The following SPNS2 variants were observed in gnomAD, a reference collection of about 807,000 sequenced individuals.
SPNS2 encodes sphingosine-1-phosphate transporter SPNS2.
SPNS2 carries 37 observed loss-of-function variants against 57.6 expected under a neutral mutation model. The observed-to-expected ratio is 0.64, with a 90% CI of 0.49 to 0.85. SPNS2 has a LOEUF of 0.85. Ranked by LOEUF, SPNS2 falls within the 40% of genes least tolerant of loss-of-function variation. The pLI, the probability that SPNS2 is intolerant of heterozygous loss-of-function variation, is 0.00. For missense variants in SPNS2, 831 were observed against 779.1 expected (o/e 1.07, Z -0.79); for synonymous variants, 440 against 346.9 (o/e 1.27, Z -2.98).
chr17:4,518,468 A>T (rs1202421676), intron 2 of SPNS2, among the ~76,000 whole-genome samples: 1 of 152,230 alleles, frequency 6.6e-6, no homozygotes, highest in African/African-American at 2.4e-5. Flanking sequence ...GCTTGCAGTG[A>T]GCCGAGATCG....
In SPNS2 at chr17:4,498,906, C is replaced by G. The variant is rs1337019062; in HGVS notation, c.-142C>G. 4.1e-5 allele frequency: 14 copies of G among 340,478 alleles called. No homozygotes were observed. In the East Asian group the frequency reaches 2.2e-3, roughly 52 times the overall value. 21.1% of individuals were successfully genotyped at this position (340,478 alleles called of 1,614,324 possible). ...GCAGCGAGCTGAGCGGTGGCAGCGCCGCAGCCGGGGCCGGAGCGCAGGAGC... is the reference window on the plus strand; with the variant it reads ...GCAGCGAGCTGAGCGGTGGCAGCGCGGCAGCCGGGGCCGGAGCGCAGGAGC... On this transcript the variant is annotated 5_prime_UTR_variant, in exon 1 of 13. Coordinates refer to ENST00000329078, the MANE Select transcript of SPNS2 (RefSeq NM_001124758.3).
At position 4,536,927 on chromosome 17, in the gene SPNS2, A is replaced by G. The variant is rs766932543; in HGVS notation, c.1635A>G (p.Ala545=). 1 of 1,613,574 alleles carries G rather than the reference A, an allele frequency of 6.2e-7. No individual in the cohort carries two copies. The highest frequency in any genetic ancestry group is 1.1e-5 in the South Asian group (1 of 91,064). Residue 545 remains alanine (A), a synonymous_variant, in exon 12 of 13, where the codon GCA becomes GCG. Coordinates refer to ENST00000329078, the MANE Select transcript of SPNS2 (RefSeq NM_001124758.3). ...TGAACCAGCTGGCGATGCCGCCCGC[A>G]TCTGTGAAAGTCTGAGGTGGTGAGT... ...QQVNQLAMPP[A]SVKV
At chr17:4,502,510 C>T (rs528710914) in intron 1 of SPNS2, among the ~76,000 whole-genome samples, 7 of 152,322 alleles carry the variant, frequency 4.6e-5, no homozygotes, top group South Asian at 2.1e-4. Flanking sequence ...GTCAATATCA[C>T]GGTGGCCAGG....
In SPNS2 at chr17:4,532,694, G is replaced by C. The variant is rs371730724; in HGVS notation, c.935+10G>C. The C allele has an allele frequency of 6.2e-7, 1 of 1,612,908 alleles. No homozygotes were observed. The highest frequency in any genetic ancestry group is 1.1e-5 in the South Asian group (1 of 90,988). ...AGGCCCTGATTCGAAAGTGAGTACC[G>C]CGGGAAGGGGTCTGGTGGGAAGAGA... On this transcript the variant is annotated intron_variant, in intron 6 of 12. Coordinates refer to ENST00000329078, the MANE Select transcript of SPNS2 (RefSeq NM_001124758.3).
Position 4,536,443 on chromosome 17 carries a change from G to A in SPNS2, c.1607+17G>A, listed in dbSNP as rs1422157505. ...TGAGCAGCAGTGAGTGGGGGGGAGG[G>A]GAGGCCCTGCTGCACCGCCGGGAAG... On this transcript the variant is annotated intron_variant, in intron 11 of 12. Coordinates refer to ENST00000329078, the MANE Select transcript of SPNS2 (RefSeq NM_001124758.3). 6.3e-7 allele frequency: 1 copy of A among 1,585,378 alleles called. No homozygotes were observed. Among genetic ancestry groups the A allele is most frequent in the Non-Finnish European group, 8.6e-7 (1 of 1,167,600 alleles).
At chr17:4,507,631 T>G (rs1257593029) in intron 1 of SPNS2, among the ~76,000 whole-genome samples, 1 of 152,220 alleles carries the variant, frequency 6.6e-6, no homozygotes, top group African/African-American at 2.4e-5. Context: ...AAAACCAGGA[T>G]TTAAACCCAG....
chr17:4,520,858 G>C (rs1905121726), intron 2 of SPNS2, among the ~76,000 whole-genome samples: 1 of 152,158 alleles, frequency 6.6e-6, no homozygotes, highest in South Asian at 2.1e-4. Flanking sequence ...AGAATCAAAA[G>C]AGATCATCTG....
At chr17:4,523,878 C>T (rs1597365882) in intron 2 of SPNS2, among the ~76,000 whole-genome samples, 1 of 152,194 alleles carries the variant, frequency 6.6e-6, no homozygotes, top group Admixed American at 6.5e-5. Context: ...TCTTTATTGT[C>T]TATTTCTCCT....
chr17:4,523,738 G>A (rs1211013467), intron 2 of SPNS2, among the ~76,000 whole-genome samples: 1 of 152,156 alleles, frequency 6.6e-6, no homozygotes, highest in East Asian at 1.9e-4. Flanking sequence ...TGAGACTGTT[G>A]TCTCAAAAAA....
Position 4,537,187 on chromosome 17 carries a change from G to A in SPNS2, c.*4+241G>A, listed in dbSNP as rs116260689. ...CCTTTCAAGGGCTGGGTGGGGCCTC[G>A]CATAGATCAGGGCCAGGACTGGCCA... On this transcript the variant is annotated intron_variant, in intron 12 of 12. Transcript: ENST00000329078. Among the ~76,000 whole-genome samples, 1,011 of 152,288 alleles carry A rather than the reference G, an allele frequency of 6.6e-3. 12 individuals are homozygous for A. The highest frequency in any genetic ancestry group is 0.023 in the African/African-American group (946 of 41,532).
chr17:4,531,951 C>T (rs1034895631), intron 5 of SPNS2, among the ~76,000 whole-genome samples: 3 of 152,082 alleles, frequency 2.0e-5, no homozygotes, highest in Admixed American at 6.5e-5. Context: ...TGCCAGCCCA[C>T]TTGATCTGTC....
chr17:4,501,178 G>T (rs769556684), intron 1 of SPNS2, among the ~76,000 whole-genome samples: 49 of 152,310 alleles, frequency 3.2e-4, no homozygotes, highest in Middle Eastern at 3.4e-3. Context: ...GCTCTGCCTG[G>T]GAGGAGGTCT....
At chr17:4,534,171 T>TC (rs1427799095) in intron 9 of SPNS2, among the ~76,000 whole-genome samples, 3 of 151,984 alleles carry the variant, frequency 2.0e-5, no homozygotes, top group Admixed American at 6.5e-5. Context: ...CCCGCCCTCC[T>TC]CCCCCCGCTG....
At chr17:4,530,259 G>A (rs1403510025) in intron 3 of SPNS2, among the ~76,000 whole-genome samples, 1 of 152,196 alleles carries the variant, frequency 6.6e-6, no homozygotes, top group Non-Finnish European at 1.5e-5. Flanking sequence ...GTGGCTTGAG[G>A]CTCCCGAAGT....
intron 11 of SPNS2, 156 bp downstream of exon 11, chr17:4,536,582 TGCCAGGGTCAGC>T (rs1260895152): frequency 3.1e-6 from 3 of 974,426 alleles, no homozygotes; most frequent in Non-Finnish European, 4.4e-6. Context: ...TGAGGCCCAG[TGCCAGGGTCAGC>T]CTGGAGCTGT....
intron 3 of SPNS2, among the ~76,000 whole-genome samples, chr17:4,528,256 C>T (rs1447375938): frequency 6.6e-6 from 1 of 152,070 alleles, no homozygotes; most frequent in Non-Finnish European, 1.5e-5. Flanking sequence ...CTCCTGACCT[C>T]AGGTGATCCT....
At chr17:4,537,349 G>A (rs1905905047) in intron 12 of SPNS2, 104 bp from the exon 13 acceptor site, 13 of 399,852 alleles carry the variant, frequency 3.3e-5, no homozygotes, top group Admixed American at 1.6e-4. Flanking sequence ...GCAGGTCCAG[G>A]AGAAGGCTTG....
In SPNS2 at chr17:4,513,279, G is replaced by A. The variant is rs2075931738; in HGVS notation, c.403G>A (p.Val135Ile). Residue 135 changes from valine (V) to isoleucine (I), a missense_variant, in exon 2 of 13, where the codon GTC (valine) becomes ATC (isoleucine). Coordinates refer to ENST00000329078, the MANE Select transcript of SPNS2 (RefSeq NM_001124758.3). ...VLLDIQQHFG[V>I]KDRGAGLLQS... ...TCTGGACATCCAGCAGCACTTTGGG[G>A]TCAAGGACCGAGGCGCCGGCCTGCT... The A allele has an allele frequency of 1.9e-6, 3 of 1,613,932 alleles. No individual in the cohort carries two copies. Among genetic ancestry groups the A allele is most frequent in the African/African-American group, 2.7e-5 (2 of 74,928 alleles).
intron 9 of SPNS2, among the ~76,000 whole-genome samples, chr17:4,535,555 G>A (rs879756576): frequency 1.4e-4 from 22 of 152,206 alleles, no homozygotes; most frequent in Non-Finnish European, 2.4e-4. Context: ...CAGGAGCCGC[G>A]CTGGAGAGGC....
Sources: allele counts gnomAD v4.1 joint callset (sites outside exome capture counted in the v4.1 genomes callset), GRCh38; gene constraint gnomAD v4.1.1; transcripts MANE v1.5; gene names NCBI Gene and HGNC (gene_info 2026-07-23, HGNC 2026-07-21).